The following SLC23A2 variants were observed in gnomAD, a reference collection of about 807,000 sequenced individuals.
SLC23A2 encodes the protein Na(+)/L-ascorbic acid transporter 2.
SLC23A2 carries 36 observed loss-of-function variants against 73.3 expected under a neutral mutation model. The ratio of observed to expected loss-of-function variants is 0.49; its 90% CI spans 0.38 to 0.65. SLC23A2 has a LOEUF of 0.65. Among genes scored for constraint, SLC23A2 ranks in the 30% least tolerant of loss-of-function variants. The pLI is 0.00. For synonymous variants in SLC23A2, 343 were observed against 327.3 expected (o/e 1.05, Z -0.52); for missense variants, 507 against 841.6 (o/e 0.60, Z 4.92).
chr20:4,984,082 A>T (rs913619030), intron 1 of SLC23A2, among the ~76,000 whole-genome samples: 31 of 152,244 alleles, frequency 2.0e-4, no homozygotes, highest in African/African-American at 7.5e-4. Context: ...TTACGACTCA[A>T]CAATATAAAG....
At chr20:4,898,182 C>T (rs914427570) in intron 6 of SLC23A2, among the ~76,000 whole-genome samples, 3 of 152,212 alleles carry the variant, frequency 2.0e-5, no homozygotes, top group African/African-American at 7.2e-5. Flanking sequence ...TTTGAGGAGA[C>T]CCTCCTCCCT....
chr20:4,892,545 A>C (rs1213672907), intron 6 of SLC23A2, among the ~76,000 whole-genome samples: 1 of 152,184 alleles, frequency 6.6e-6, no homozygotes, highest in Admixed American at 6.5e-5. Flanking sequence ...GATGGTAACA[A>C]ATTTTTTTAT....
chr20:4,938,812 C>T (rs117123501), intron 2 of SLC23A2, among the ~76,000 whole-genome samples: 2 of 152,302 alleles, frequency 1.3e-5, no homozygotes, highest in East Asian at 3.9e-4. Context: ...ACTGTGGTTA[C>T]TCACAGGCCT....
At chr20:4,937,462 A>C (rs1464137340) in intron 2 of SLC23A2, among the ~76,000 whole-genome samples, 1 of 152,218 alleles carries the variant, frequency 6.6e-6, no homozygotes, top group Non-Finnish European at 1.5e-5. Context: ...CGACAATGGC[A>C]GTAATAACTG....
At position 4,939,078 on chromosome 20, in the gene SLC23A2, C is replaced by A. The variant is rs193147689; in HGVS notation, c.-154-6362G>T. 6.2e-3 allele frequency among the ~76,000 whole-genome samples: 932 copies of A among 150,634 alleles called. 9 individuals carry two copies. Among genetic ancestry groups the A allele is most frequent in the Middle Eastern group, 0.01 (3 of 290 alleles). On this transcript the variant is annotated intron_variant, in intron 2 of 16. Coordinates refer to ENST00000338244, the MANE Select transcript of SLC23A2 (RefSeq NM_005116.6). ...GCAAGATAGCAAGACCCCATCTGTA[C>A]AAAAAAAAATTAAGGTAAAATTTTA...
In SLC23A2 at chr20:4,970,845, G is replaced by C. The variant is rs1287496055; in HGVS notation, c.-207C>G. 1.3e-5 allele frequency: 2 copies of C among 152,234 alleles called. No homozygotes were observed. Among genetic ancestry groups the C allele is most frequent in the Admixed American group, 1.3e-4 (2 of 15,274 alleles). The allele number at this position is 152,234 out of a possible 1,614,324, so 9.4% of individuals were successfully genotyped here. On this transcript the variant is annotated 5_prime_UTR_variant, in exon 2 of 17. Transcript: ENST00000338244. ...TATGCTTTCCATTACAATTCGCTGA[G>C]TTACATTTGCTTATGCACCAAGGTC...
intron 1 of SLC23A2, among the ~76,000 whole-genome samples, chr20:4,996,701 A>AAAAAAAAC: frequency 1.2e-5 from 1 of 80,884 alleles, no homozygotes; most frequent in Non-Finnish European, 3.3e-5. Context: ...AAAAAAAAAA[A>AAAAAAAAC]AAAAAAAACA....
At chr20:4,893,883 C>T (rs1447657069) in intron 6 of SLC23A2, among the ~76,000 whole-genome samples, 1 of 152,130 alleles carries the variant, frequency 6.6e-6, no homozygotes, top group Non-Finnish European at 1.5e-5. Flanking sequence ...CCACAGATGC[C>T]GTAAGACTCT....
At chr20:4,911,759 A>G (rs1025735167) in intron 4 of SLC23A2, among the ~76,000 whole-genome samples, 20 of 152,178 alleles carry the variant, frequency 1.3e-4, no homozygotes, top group African/African-American at 4.8e-4. Context: ...CTAACTTCTC[A>G]TATGTTAGAC....
Position 4,857,020 on chromosome 20 carries a change from C to T in SLC23A2, c.1905G>A (p.Lys635=). ...FVGYTWKGLR[K]SDNSRSSDED... is the part of the protein sequence containing the mutation. Reference sequence around the variant, plus strand: ...CATCTGAACTCCGGCTGTTGTCGCTCTTCCTGAGGCCTTTCCATGTGTAGC... The same window carrying T: ...CATCTGAACTCCGGCTGTTGTCGCTTTTCCTGAGGCCTTTCCATGTGTAGC... The change falls in exon 17 of 17, where the codon AAG becomes AAA. Residue 635 remains lysine, a synonymous_variant. Coordinates refer to ENST00000338244, the MANE Select transcript of SLC23A2 (RefSeq NM_005116.6). This position sits in a 1 kb window ranked among gnomAD's most constrained non-coding sequence, Gnocchi z 4.0. 1 of 1,614,220 alleles carries T rather than the reference C, an allele frequency of 6.2e-7. No homozygotes were observed. Among genetic ancestry groups the T allele is most frequent in the Non-Finnish European group, 8.5e-7 (1 of 1,180,038 alleles).
intron 2 of SLC23A2, among the ~76,000 whole-genome samples, chr20:4,955,092 T>A (rs1029448497): frequency 2.6e-5 from 4 of 151,718 alleles, no homozygotes; most frequent in African/African-American, 7.3e-5. Flanking sequence ...AAAAAAAAAA[T>A]TATTTTTTTA....
chr20:4,955,807 T>A (rs6052984), intron 2 of SLC23A2, among the ~76,000 whole-genome samples: 12,525 of 151,310 alleles, frequency 0.083, 667 homozygotes, highest in African/African-American at 0.14. Flanking sequence ...TTTTTTTTTT[T>A]AAAAAAGTAC....
chr20:4,933,019 T>A (rs774563078), intron 2 of SLC23A2, among the ~76,000 whole-genome samples: 1 of 152,172 alleles, frequency 6.6e-6, no homozygotes, highest in Non-Finnish European at 1.5e-5. Context: ...TTATATCTCA[T>A]AACCCAGCAC....
At chr20:4,969,639 C>T (rs1262329813) in intron 2 of SLC23A2, among the ~76,000 whole-genome samples, 1 of 144,480 alleles carries the variant, frequency 6.9e-6, no homozygotes, top group Non-Finnish European at 1.5e-5. Flanking sequence ...GGCTAGAGTG[C>T]GCTGGCACAA....
chr20:4,990,862 A>T (rs1423326739), intron 1 of SLC23A2, among the ~76,000 whole-genome samples: 1 of 149,702 alleles, frequency 6.7e-6, no homozygotes, highest in Non-Finnish European at 1.5e-5. Context: ...CAGGACTGTA[A>T]TTCTACATCG....
At chr20:4,935,504 T>C (rs2086948380) in intron 2 of SLC23A2, among the ~76,000 whole-genome samples, 1 of 151,954 alleles carries the variant, frequency 6.6e-6, no homozygotes, top group South Asian at 2.1e-4. Context: ...CCTTAATATA[T>C]AAAATCTGTG....
At chr20:4,891,792 C>A (rs1028900318) in intron 6 of SLC23A2, among the ~76,000 whole-genome samples, 1 of 152,256 alleles carries the variant, frequency 6.6e-6, no homozygotes, top group African/African-American at 2.4e-5. Context: ...CTCTGTCACT[C>A]AGGCTGGAGT....
intron 2 of SLC23A2, among the ~76,000 whole-genome samples, chr20:4,967,399 G>C (rs2087490357): frequency 2.0e-5 from 3 of 152,068 alleles, no homozygotes; most frequent in African/African-American, 7.2e-5. Flanking sequence ...CAGTTGAAAA[G>C]GCCAGACTTG....
chr20:4,984,033 T>C (rs531459745), intron 1 of SLC23A2, among the ~76,000 whole-genome samples: 1 of 151,682 alleles, frequency 6.6e-6, no homozygotes, highest in South Asian at 2.1e-4. Flanking sequence ...GCAAATTACA[T>C]ACCAGATAAA....
Sources: allele counts gnomAD v4.1 joint callset (sites outside exome capture counted in the v4.1 genomes callset), GRCh38; gene constraint gnomAD v4.1.1; non-coding constraint Gnocchi (gnomAD v3.1); transcripts MANE v1.5; gene names NCBI Gene and HGNC (gene_info 2026-07-23, HGNC 2026-07-21).